The following BRWD3 variants were observed in gnomAD, a reference collection of about 807,000 sequenced individuals.
BRWD3 encodes bromodomain and WD repeat-containing protein 3.
A neutral mutation model predicts 149.7 loss-of-function variants in BRWD3; 10 were observed. The observed-to-expected ratio is 0.07, with a 90% CI of 0.04 to 0.11. The LOEUF (loss-of-function observed/expected upper bound fraction) is 0.11. Among genes scored for constraint, BRWD3 ranks in the 10% least tolerant of loss-of-function variants. The pLI, the probability that BRWD3 is intolerant of heterozygous loss-of-function variation, is 1.00. For synonymous variants in BRWD3, 504 were observed against 456.7 expected (o/e 1.10, Z -1.32); for missense variants, 940 against 1,373.2 (o/e 0.68, Z 4.99).
intron 6 of BRWD3, among the ~76,000 whole-genome samples, chrX:80,785,294 A>T (rs2074097205): frequency 8.9e-6 from 1 of 112,241 alleles, no homozygotes; most frequent in Admixed American, 9.5e-5. Context: ...TTAGTCAAGC[A>T]TACAGCTAAT....
intron 25 of BRWD3, among the ~76,000 whole-genome samples, chrX:80,698,979 G>A (rs1295541109): frequency 9.1e-6 from 1 of 110,458 alleles, no homozygotes; most frequent in African/African-American, 3.3e-5. Flanking sequence ...TTGGGAGGCC[G>A]AGGTGGGTGG....
intron 6 of BRWD3, among the ~76,000 whole-genome samples, chrX:80,754,203 T>C (rs769343648): frequency 1.8e-5 from 2 of 112,113 alleles, no homozygotes; most frequent in African/African-American, 6.5e-5. Context: ...AAGTGTTCTG[T>C]AGTTTTCTAT....
chrX:80,704,934 G>A, intron 22 of BRWD3, 88 bp from the exon 23 acceptor site: 1 of 936,357 alleles, frequency 1.1e-6, no homozygotes, highest in Non-Finnish European at 1.5e-6. Context: ...TAAGCAAACA[G>A]CATTATAAAT....
chrX:80,750,294 G>A (rs192610371), intron 6 of BRWD3, among the ~76,000 whole-genome samples: 167 of 111,120 alleles, frequency 1.5e-3, no homozygotes, highest in Non-Finnish European at 1.9e-3. Flanking sequence ...TTAGCAGACA[G>A]ATGATACAAC....
At chrX:80,781,553 TCTAA>T (rs773076871) in intron 6 of BRWD3, among the ~76,000 whole-genome samples, 23 of 110,954 alleles carry the variant, frequency 2.1e-4, no homozygotes, top group Non-Finnish European at 4.3e-4. Flanking sequence ...CGATGACTGC[TCTAA>T]CTGCTTCCTG....
intron 6 of BRWD3, among the ~76,000 whole-genome samples, chrX:80,753,018 C>T (rs11798758): frequency 0.27 from 29,804 of 110,536 alleles, 2,908 homozygotes; most frequent in South Asian, 0.63. Flanking sequence ...TTGAAAAATA[C>T]CTATTTATGT....
At chrX:80,755,325 G>GT (rs2073724655) in intron 6 of BRWD3, among the ~76,000 whole-genome samples, 1 of 111,156 alleles carries the variant, frequency 9.0e-6, no homozygotes, top group Admixed American at 9.6e-5. Flanking sequence ...AGATGATTTG[G>GT]TAAAAAAAAG....
intron 6 of BRWD3, among the ~76,000 whole-genome samples, chrX:80,783,870 T>G (rs1226157013): frequency 1.8e-5 from 2 of 111,106 alleles, no homozygotes; most frequent in Non-Finnish European, 3.8e-5. Context: ...GAGCTAAAAA[T>G]TAAAACAATT....
chrX:80,787,810 C>T (rs1034813938), intron 6 of BRWD3, among the ~76,000 whole-genome samples: 26 of 111,469 alleles, frequency 2.3e-4, no homozygotes, highest in African/African-American at 7.8e-4. Context: ...GTAGGCCGGG[C>T]GTGGTGGCTC....
intron 36 of BRWD3, among the ~76,000 whole-genome samples, chrX:80,685,079 A>G (rs182096690): frequency 8.9e-5 from 10 of 111,964 alleles, no homozygotes; most frequent in Middle Eastern, 9.3e-3. Context: ...CTAACACAGT[A>G]TGGCTTATGT....
intron 20 of BRWD3, among the ~76,000 whole-genome samples, chrX:80,713,359 T>C (rs1030501280): frequency 8.9e-6 from 1 of 112,550 alleles, no homozygotes; most frequent in African/African-American, 3.2e-5. Context: ...AAAATTCTTC[T>C]GCCTTGGGAT....
intron 4 of BRWD3, among the ~76,000 whole-genome samples, chrX:80,801,351 G>A (rs992673230): frequency 9.7e-6 from 1 of 103,006 alleles, no homozygotes; most frequent in African/African-American, 3.6e-5. Context: ...CTCTGGAGTA[G>A]CTGGGATTAC....
chrX:80,724,964 C>T lies in BRWD3; in HGVS notation c.1490G>A (p.Arg497Gln), dbSNP rs759433345. 1.7e-5 allele frequency: 20 copies of T among 1,208,076 alleles called. No individual in the cohort carries two copies. The highest frequency in any genetic ancestry group is 1.2e-4 in the East Asian group (4 of 33,730). The change falls in exon 15 of 41, where the codon CGG (arginine) becomes CAG (glutamine). Residue 497 changes from arginine to glutamine, a missense_variant. Arg to Gln is a conservative substitution (Grantham distance 43). Coordinates refer to ENST00000373275, the MANE Select transcript of BRWD3 (RefSeq NM_153252.5). ...DGNIFIWDLD[R>Q]GTKIRNYFNM... ...AAAGTAATTCCGAATTTTGGTCCCC[C>T]GGTCAAGGTCCCAAATAAAAATGTT...
intron 23 of BRWD3, 63 bp from the exon 24 acceptor site, chrX:80,703,656 T>C (rs1263354227): frequency 1.3e-6 from 1 of 778,497 alleles, no homozygotes; most frequent in African/African-American, 2.1e-5. Flanking sequence ...ATAAAACACA[T>C]AAACAATAGT....
At chrX:80,692,862 A>T in intron 28 of BRWD3, 78 bp downstream of exon 28, 1 of 774,125 alleles carries the variant, frequency 1.3e-6, no homozygotes, top group Non-Finnish European at 2.0e-6. Context: ...AAAGGGCATT[A>T]CTCCTGATGG....
At chrX:80,784,348 G>C (rs1434644165) in intron 6 of BRWD3, among the ~76,000 whole-genome samples, 1 of 112,063 alleles carries the variant, frequency 8.9e-6, no homozygotes, top group Non-Finnish European at 1.9e-5. Context: ...ATGATGGATA[G>C]TATCAACAAT....
At position 80,676,332 on chromosome X, in the gene BRWD3, CGT is replaced by C. The variant is rs35220611; in HGVS notation, c.*275_*276del. 2.0e-5 allele frequency: 7 copies of C among 352,468 alleles called. No individual in the cohort carries two copies. Among genetic ancestry groups the C allele is most frequent in the South Asian group, 5.7e-5 (1 of 17,528 alleles). 29.0% of individuals were successfully genotyped at this position (352,468 alleles called of 1,213,427 possible). A position where few individuals can be genotyped will look rare whatever the true frequency, so the allele number is the denominator to read the frequency against. ...AATCTGTAGTGTCTGTGTTGTGTTT[CGT>C]GTGTGTGTGTCTGTGTGTGTGTATG... is the stretch of plus-strand genomic sequence containing the variant. On this transcript the variant is annotated 3_prime_UTR_variant, in exon 41 of 41. Coordinates refer to ENST00000373275, the MANE Select transcript of BRWD3 (RefSeq NM_153252.5).
intron 31 of BRWD3, 21 bp from the exon 32 acceptor site, chrX:80,690,113 T>C (rs2072591305): frequency 8.3e-7 from 1 of 1,198,375 alleles, no homozygotes. Flanking sequence ...AAAAATACTC[T>C]GTTAGCCTTG....
In BRWD3 at chrX:80,809,734, AG is replaced by A; in HGVS notation, c.-264del. ...GAGTGAGTGAGTGAGAGAGAGAGAGAGAAGAGAGAGAGAGAGAGAGGAAAAA... is the reference window on the plus strand; with the variant it reads ...GAGTGAGTGAGTGAGAGAGAGAGAGAAAGAGAGAGAGAGAGAGAGGAAAAA... On this transcript the variant is annotated 5_prime_UTR_variant, in exon 1 of 41. Transcript: ENST00000373275. 1.2e-5 allele frequency: 2 copies of A among 164,575 alleles called. No homozygotes were observed. The highest frequency in any genetic ancestry group is 1.1e-5 in the Non-Finnish European group (1 of 87,501). The allele number at this position is 164,575 out of a possible 1,213,427, so 13.6% of individuals were successfully genotyped here.
Sources: allele counts gnomAD v4.1 joint callset (sites outside exome capture counted in the v4.1 genomes callset), GRCh38; gene constraint gnomAD v4.1.1; transcripts MANE v1.5; gene names NCBI Gene and HGNC (gene_info 2026-07-23, HGNC 2026-07-21).